The following TSC22D3 variants were observed in gnomAD, a reference collection of about 807,000 sequenced individuals.
TSC22D3 encodes the protein TSC22 domain family member 3, also known as TSC22 domain family protein 3.
TSC22D3 carries 4 observed loss-of-function variants against 11.1 expected under a neutral mutation model. The observed-to-expected ratio is 0.36, with a 90% CI of 0.18 to 0.83. The LOEUF is 0.83. Among genes scored for constraint, TSC22D3 ranks in the 40% least tolerant of loss-of-function variants. TSC22D3 has a pLI of 0.48. For missense variants in TSC22D3, 118 were observed against 159.4 expected (o/e 0.74, Z 1.40); for synonymous variants, 77 against 70.3 (o/e 1.10, Z -0.48).
intron 1 of TSC22D3, among the ~76,000 whole-genome samples, chrX:107,757,273 A>T (rs1158768614): frequency 9.0e-6 from 1 of 111,646 alleles, no homozygotes; most frequent in Non-Finnish European, 1.9e-5. Flanking sequence ...TTAACAGATA[A>T]TCATCCCTAA....
At chrX:107,718,675 G>A (rs1344926617) in intron 1 of TSC22D3, among the ~76,000 whole-genome samples, 1 of 112,647 alleles carries the variant, frequency 8.9e-6, no homozygotes, top group African/African-American at 3.2e-5. Context: ...GTGGATTCCA[G>A]TGGTGATAAT....
chrX:107,742,312 AGAGAGAGT>A (rs1338721765), intron 1 of TSC22D3, among the ~76,000 whole-genome samples: 110 of 61,587 alleles, frequency 1.8e-3, no homozygotes, highest in African/African-American at 5.0e-3. Flanking sequence ...AGAGAGAGAG[AGAGAGAGT>A]GTGTGTGCGC....
chrX:107,750,216 A>C (rs1465889579), intron 1 of TSC22D3, among the ~76,000 whole-genome samples: 1 of 111,383 alleles, frequency 9.0e-6, no homozygotes, highest in Non-Finnish European at 1.9e-5. Flanking sequence ...GGATGTGAGC[A>C]ATACTCCTGC....
At chrX:107,729,691 C>T (rs1487397952) in intron 1 of TSC22D3, among the ~76,000 whole-genome samples, 2 of 112,482 alleles carry the variant, frequency 1.8e-5, no homozygotes, top group Non-Finnish European at 3.8e-5. Flanking sequence ...GGGCATCCCC[C>T]TCTCCACCCC....
chrX:107,738,630 T>C (rs1305351337), intron 1 of TSC22D3, among the ~76,000 whole-genome samples: 1 of 113,192 alleles, frequency 8.8e-6, no homozygotes, highest in Non-Finnish European at 1.9e-5. Context: ...AGTTCAGCCA[T>C]ATGGGGCATA....
intron 1 of TSC22D3, among the ~76,000 whole-genome samples, chrX:107,729,689 C>A (rs962895709): frequency 3.6e-5 from 4 of 112,471 alleles, no homozygotes; most frequent in African/African-American, 1.3e-4. Context: ...CTGGGCATCC[C>A]CCTCTCCACC....
rs747125474 is a variant in TSC22D3, at chrX:107,735,628, T to C, written c.321-19678A>G. Among the ~76,000 whole-genome samples the C allele has an allele frequency of 1.5e-4, 17 of 110,472 alleles. No individual in the cohort carries two copies. In the East Asian group the frequency reaches 4.9e-3, roughly 32 times the overall value. ...TGGCATGCCCTCCAACCAAACCCTC[T>C]CTCACTGAACATGCGTTAATGTCCT... is the stretch of plus-strand genomic sequence containing the variant. On this transcript the variant is annotated intron_variant, in intron 1 of 2. Coordinates refer to ENST00000372383, the MANE Select transcript of TSC22D3 (RefSeq NM_198057.3).
At chrX:107,753,265 G>C (rs1249186851) in intron 1 of TSC22D3, among the ~76,000 whole-genome samples, 1 of 111,503 alleles carries the variant, frequency 9.0e-6, no homozygotes, top group Non-Finnish European at 1.9e-5. Flanking sequence ...GGGCCAGGAT[G>C]CTGGCCTCCT....
At chrX:107,748,248 C>T (rs1467533511) in intron 1 of TSC22D3, among the ~76,000 whole-genome samples, 1 of 112,232 alleles carries the variant, frequency 8.9e-6, no homozygotes, top group African/African-American at 3.2e-5. Context: ...TATCTCTGGG[C>T]TTCTATTTCC....
chrX:107,763,771 A>T (rs1031324140), intron 1 of TSC22D3, among the ~76,000 whole-genome samples: 1 of 112,231 alleles, frequency 8.9e-6, no homozygotes. Context: ...CCACTTTATC[A>T]CTGGTCCCCA....
At chrX:107,737,839 G>T (rs16985273) in intron 1 of TSC22D3, among the ~76,000 whole-genome samples, 4,165 of 111,923 alleles carry the variant, frequency 0.037, 190 homozygotes, top group African/African-American at 0.13. Flanking sequence ...TGGCAGATTT[G>T]TTGCTACCAG....
intron 1 of TSC22D3, among the ~76,000 whole-genome samples, chrX:107,736,071 T>C (rs966339738): frequency 8.9e-6 from 1 of 112,033 alleles, no homozygotes; most frequent in Non-Finnish European, 1.9e-5. Flanking sequence ...TTTACTCTGC[T>C]CCCTTGCCCT....
intron 1 of TSC22D3, among the ~76,000 whole-genome samples, chrX:107,745,855 G>C (rs1928625577): frequency 8.9e-6 from 1 of 112,475 alleles, no homozygotes; most frequent in African/African-American, 3.2e-5. Context: ...GATTTCACAA[G>C]TATGTGTGAA....
intron 1 of TSC22D3, among the ~76,000 whole-genome samples, chrX:107,742,281 AAGAGAGAGAG>A (rs764889060): frequency 0.051 from 2,923 of 56,778 alleles, 238 homozygotes; most frequent in African/African-American, 0.21. Context: ...GAGAGAGAGA[AAGAGAGAGAG>A]AGAGAGAGAG....
At chrX:107,722,872 A>G (rs1927414164) in intron 1 of TSC22D3, among the ~76,000 whole-genome samples, 1 of 112,183 alleles carries the variant, frequency 8.9e-6, no homozygotes, top group South Asian at 3.7e-4. Context: ...TCAAAGTTGT[A>G]TGCTTATTCA....
At chrX:107,719,272 A>G (rs1927213154) in intron 1 of TSC22D3, among the ~76,000 whole-genome samples, 1 of 112,212 alleles carries the variant, frequency 8.9e-6, no homozygotes, top group South Asian at 3.7e-4. Context: ...AGGGAAGGCA[A>G]AAGGGTTAAG....
intron 1 of TSC22D3, among the ~76,000 whole-genome samples, chrX:107,761,376 T>C (rs923219860): frequency 8.0e-5 from 9 of 112,373 alleles, no homozygotes; most frequent in Non-Finnish European, 1.7e-4. Context: ...TCCCCAGGAC[T>C]GGGCTCCTGC....
intron 2 of TSC22D3, 165 bp downstream of exon 2, chrX:107,715,734 G>T (rs777996500): frequency 3.5e-6 from 2 of 568,568 alleles, no homozygotes; most frequent in East Asian, 7.1e-5. Flanking sequence ...GCCCTAAAAG[G>T]TGCCACTCTA....
chrX:107,771,491 A>G (rs890148913), intron 1 of TSC22D3, among the ~76,000 whole-genome samples: 2 of 112,129 alleles, frequency 1.8e-5, no homozygotes, highest in Non-Finnish European at 3.8e-5. Flanking sequence ...AGGCTGAGAC[A>G]GGGGAATTGC....
Sources: gnomAD v4.1 joint callset for allele counts (sites outside exome capture counted in the v4.1 genomes callset) on GRCh38, gnomAD v4.1.1 for gene constraint, MANE v1.5 for transcripts, NCBI Gene and HGNC (gene_info 2026-07-23, HGNC 2026-07-21) for gene names.